FGF12: variants seen among roughly 807,000 people sequenced by gnomAD.
FGF12 encodes the protein fibroblast growth factor 12.
Under a neutral mutation model 23.6 loss-of-function variants are expected in FGF12, and 14 were observed. The observed-to-expected ratio is 0.59, with a 90% confidence interval of 0.39 to 0.93. The LOEUF is 0.93. Among genes scored for constraint, FGF12 ranks in the 40% least tolerant of loss-of-function variants. The probability of loss-of-function intolerance (pLI) is 0.00; values close to 1 mark genes in which losing one functional copy is unlikely to be tolerated. For synonymous variants in FGF12, 62 were observed against 77.3 expected (o/e 0.80, Z 1.04); for missense variants, 175 against 217.8 (o/e 0.80, Z 1.24).
At chr3:192,702,008 C>A (rs1718313649) in intron 2 of FGF12, among the ~76,000 whole-genome samples, 1 of 152,168 alleles carries the variant, frequency 6.6e-6, no homozygotes, top group South Asian at 2.1e-4. Context: ...ACCCTCCCTC[C>A]CTTAGCACCT....
At chr3:192,636,581 C>T (rs969113431) in intron 2 of FGF12, among the ~76,000 whole-genome samples, 1 of 152,206 alleles carries the variant, frequency 6.6e-6, no homozygotes, top group African/African-American at 2.4e-5. Flanking sequence ...ATGACAGTGT[C>T]TAGTCCCCTG....
intron 4 of FGF12, among the ~76,000 whole-genome samples, chr3:192,210,576 C>T (rs1012470284): frequency 6.6e-6 from 1 of 152,188 alleles, no homozygotes; most frequent in Non-Finnish European, 1.5e-5. Flanking sequence ...GAAAGTTACA[C>T]AGTAACCTAG....
intron 4 of FGF12, among the ~76,000 whole-genome samples, chr3:192,254,779 T>C (rs1712273869): frequency 6.6e-6 from 1 of 152,036 alleles, no homozygotes; most frequent in South Asian, 2.1e-4. Flanking sequence ...CTATAAAAAG[T>C]TTAACAATTC....
intron 5 of FGF12, among the ~76,000 whole-genome samples, chr3:192,165,238 A>AATTTAG (rs1715097658): frequency 6.6e-6 from 1 of 152,064 alleles, no homozygotes; most frequent in African/African-American, 2.4e-5. Flanking sequence ...TACAGGTATG[A>AATTTAG]GCCACTGCGT....
At chr3:192,454,592 T>C (rs901681988) in intron 2 of FGF12, among the ~76,000 whole-genome samples, 1 of 152,348 alleles carries the variant, frequency 6.6e-6, no homozygotes, top group East Asian at 1.9e-4. Context: ...TTAAACCTTG[T>C]AGTCTGATAA....
chr3:192,478,108 T>A (rs1221477381), intron 2 of FGF12, among the ~76,000 whole-genome samples: 1 of 152,182 alleles, frequency 6.6e-6, no homozygotes, highest in Non-Finnish European at 1.5e-5. Flanking sequence ...GCATTTTAGC[T>A]CTGTAACCCT....
chr3:192,350,760 G>A (rs1718183142), intron 3 of FGF12, among the ~76,000 whole-genome samples: 2 of 152,126 alleles, frequency 1.3e-5, no homozygotes, highest in African/African-American at 2.4e-5. Flanking sequence ...TATATAAAAC[G>A]TTATTGGTCA....
chr3:192,599,269 A>AATAATTATAATAATT (rs1553837300), intron 2 of FGF12, among the ~76,000 whole-genome samples: 8 of 148,094 alleles, frequency 5.4e-5, no homozygotes, highest in Middle Eastern at 3.5e-3. Flanking sequence ...TAATAATAAT[A>AATAATTATAATAATT]ATAATAATAA....
intron 2 of FGF12, among the ~76,000 whole-genome samples, chr3:192,642,244 C>T (rs1188358546): frequency 6.6e-6 from 1 of 152,158 alleles, no homozygotes; most frequent in East Asian, 1.9e-4. Flanking sequence ...ACATGAGGAG[C>T]CCATGGAAAT....
intron 2 of FGF12, among the ~76,000 whole-genome samples, chr3:192,622,830 G>T (rs1238512881): frequency 6.6e-6 from 1 of 152,060 alleles, no homozygotes; most frequent in Non-Finnish European, 1.5e-5. Flanking sequence ...AGAAATCAAG[G>T]TTTTGTTGTT....
chr3:192,318,334 T>A (rs900927843), intron 4 of FGF12, among the ~76,000 whole-genome samples: 1 of 151,988 alleles, frequency 6.6e-6, no homozygotes, highest in Non-Finnish European at 1.5e-5. Flanking sequence ...AAATTCAAGA[T>A]AACACAGAGA....
intron 5 of FGF12, 116 bp from the exon 6 acceptor site, chr3:192,144,243 T>C: frequency 1.6e-6 from 1 of 626,254 alleles, no homozygotes; most frequent in Non-Finnish European, 2.8e-6. Flanking sequence ...CTTCTTCTCA[T>C]TATAAAAAAA....
At chr3:192,491,161 T>C (rs1441828896) in intron 2 of FGF12, among the ~76,000 whole-genome samples, 4 of 152,146 alleles carry the variant, frequency 2.6e-5, no homozygotes, top group African/African-American at 9.7e-5. Context: ...TTCTCTCTTA[T>C]TCCTCCATAG....
At position 192,409,082 on chromosome 3, in the gene FGF12, G is replaced by A. The variant is rs2108776992; in HGVS notation, c.14-48544C>T. 2 of 532,632 alleles carry A rather than the reference G, an allele frequency of 3.8e-6. No individual in the cohort carries two copies. The highest frequency in any genetic ancestry group is 4.8e-6 in the Non-Finnish European group (2 of 416,402). The allele number at this position is 532,632 out of a possible 1,614,324, so 33.0% of individuals were successfully genotyped here. A position where few individuals can be genotyped will look rare whatever the true frequency, so the allele number is the denominator to read the frequency against. ...GAGCGGGAGGCGAGGGAGGGGGGAG[G>A]GCGCGAGGGAGGGAGGGAGATCCTC... On this transcript the variant is annotated intron_variant, in intron 2 of 5. Coordinates refer to ENST00000445105, the MANE Select transcript of FGF12 (RefSeq NM_004113.6). The surrounding 1 kb of genome is among the most constrained non-coding windows in gnomAD (Gnocchi z 4.8).
At chr3:192,304,199 A>G (rs998660340) in intron 4 of FGF12, among the ~76,000 whole-genome samples, 1 of 152,196 alleles carries the variant, frequency 6.6e-6, no homozygotes, top group Admixed American at 6.5e-5. Flanking sequence ...CCAAAAACAC[A>G]TGTATCCAAG....
At chr3:192,171,892 C>CTCTATCTCTT (rs1560177893) in intron 4 of FGF12, among the ~76,000 whole-genome samples, 1 of 150,948 alleles carries the variant, frequency 6.6e-6, no homozygotes, top group Non-Finnish European at 1.5e-5. Context: ...CTCTCTCTTT[C>CTCTATCTCTT]TCTCCCTCTC....
chr3:192,638,350 G>A (rs1715660820), intron 2 of FGF12, among the ~76,000 whole-genome samples: 2 of 152,162 alleles, frequency 1.3e-5, no homozygotes, highest in South Asian at 2.1e-4. Flanking sequence ...GTTGGAAAAA[G>A]ATTCTTTCTT....
intron 4 of FGF12, among the ~76,000 whole-genome samples, chr3:192,180,821 T>C (rs1487809205): frequency 1.3e-5 from 2 of 152,196 alleles, no homozygotes; most frequent in African/African-American, 2.4e-5. Flanking sequence ...CAACTGGAAC[T>C]GTGGGTGTTT....
At chr3:192,457,951 G>A (rs958087348) in intron 2 of FGF12, among the ~76,000 whole-genome samples, 14 of 152,158 alleles carry the variant, frequency 9.2e-5, no homozygotes, top group African/African-American at 1.9e-4. Context: ...GCCCTCTGTC[G>A]CAGCCACTCC....
Sources: allele counts gnomAD v4.1 joint callset (sites outside exome capture counted in the v4.1 genomes callset), GRCh38; gene constraint gnomAD v4.1.1; non-coding constraint Gnocchi (gnomAD v3.1); transcripts MANE v1.5; gene names NCBI Gene and HGNC (gene_info 2026-07-23, HGNC 2026-07-21).